Variants in ARHGEF33 observed in about 807,000 individuals in gnomAD.
ARHGEF33 encodes the protein DH and coiled-coil domain-containing protein ENSP00000381780.
A neutral mutation model predicts 101.9 loss-of-function variants in ARHGEF33; 72 were observed. The ratio of observed to expected loss-of-function variants is 0.71; its 90% CI spans 0.58 to 0.86. The LOEUF is 0.86. Among genes scored for constraint, ARHGEF33 ranks in the 40% least tolerant of loss-of-function variants. The pLI, the probability that ARHGEF33 is intolerant of heterozygous loss-of-function variation, is 0.00. For missense variants in ARHGEF33, 1,169 were observed against 1,111.3 expected, an observed-to-expected ratio of 1.05 and a Z score of -0.74; for synonymous variants, 499 against 442.5, an observed-to-expected ratio of 1.13 and a Z score of -1.60.
intron 5 of ARHGEF33, 68 bp downstream of exon 5, chr2:38,929,139 G>C: frequency 7.8e-7 from 1 of 1,277,628 alleles, no homozygotes; most frequent in Non-Finnish European, 1.1e-6. Flanking sequence ...TAGAAAACTT[G>C]CCTTTTTCTG....
intron 2 of ARHGEF33, among the ~76,000 whole-genome samples, chr2:38,902,404 A>G (rs1478439106): frequency 1.3e-5 from 2 of 152,192 alleles, no homozygotes; most frequent in Non-Finnish European, 2.9e-5. Flanking sequence ...CCATATGTAT[A>G]TAAGAAATTG....
chr2:38,970,408 C>G (rs368959313), intron 17 of ARHGEF33, among the ~76,000 whole-genome samples: 1 of 152,222 alleles, frequency 6.6e-6, no homozygotes, highest in East Asian at 1.9e-4. Flanking sequence ...ATAAGTTTAT[C>G]TCACCTATTC....
intron 8 of ARHGEF33, 22 bp from the exon 9 acceptor site, chr2:38,937,313 G>T (rs775258888): frequency 7.0e-6 from 4 of 568,504 alleles, no homozygotes; most frequent in African/African-American, 6.1e-5. Flanking sequence ...TTGTTTCCCC[G>T]CCCCTCCCCC....
chr2:38,918,915 A>G (rs1238318896), intron 2 of ARHGEF33, among the ~76,000 whole-genome samples: 1 of 151,340 alleles, frequency 6.6e-6, no homozygotes, highest in Non-Finnish European at 1.5e-5. Flanking sequence ...GTATGATGGC[A>G]TAAGCCTGTG....
rs547195803 is a variant in ARHGEF33, at chr2:38,951,573, C to G, written c.1053+452C>G. Reference sequence around the variant, plus strand: ...TTTGAACCCAGGACTTCAAAACTAGCTTGAGCGACACAGCAAGACCCTGTC... The same window carrying G: ...TTTGAACCCAGGACTTCAAAACTAGGTTGAGCGACACAGCAAGACCCTGTC... On this transcript the variant is annotated intron_variant, in intron 11 of 17. Coordinates refer to ENST00000409978, the MANE Select transcript of ARHGEF33 (RefSeq NM_001145451.5). Among the ~76,000 whole-genome samples, 5 of 151,646 alleles carry G rather than the reference C, an allele frequency of 3.3e-5. No homozygotes were observed. The South Asian group carries it at 6.3e-4, about 19-fold the overall frequency.
intron 17 of ARHGEF33, chr2:38,972,918 A>G (rs530096976): frequency 6.6e-6 from 1 of 152,314 alleles, no homozygotes; most frequent in South Asian, 2.1e-4. Context: ...TGTCTGGACT[A>G]GTTTTACCCA....
intron 12 of ARHGEF33, among the ~76,000 whole-genome samples, chr2:38,953,566 C>T (rs1462578323): frequency 1.3e-5 from 2 of 152,156 alleles, no homozygotes; most frequent in Non-Finnish European, 2.9e-5. Flanking sequence ...TTTTTCCAGT[C>T]TCAGAAGATG....
intron 11 of ARHGEF33, 146 bp downstream of exon 11, chr2:38,951,267 G>T (rs1667596764): frequency 3.8e-6 from 3 of 789,114 alleles, no homozygotes; most frequent in Non-Finnish European, 3.9e-6. Context: ...TCTACATACA[G>T]ATCATGGAAT....
intron 1 of ARHGEF33, among the ~76,000 whole-genome samples, chr2:38,893,702 C>G (rs1293331649): frequency 6.6e-6 from 1 of 152,222 alleles, no homozygotes; most frequent in Non-Finnish European, 1.5e-5. Context: ...TTTCTCCTAG[C>G]ACCTGGTACA....
At chr2:38,966,596 C>A (rs187388473) in intron 17 of ARHGEF33, among the ~76,000 whole-genome samples, 128 of 152,236 alleles carry the variant, frequency 8.4e-4, no homozygotes, top group African/African-American at 2.8e-3. Flanking sequence ...ATCCTGGGTG[C>A]CAATTCATGT....
chr2:38,954,491 G>C, intron 13 of ARHGEF33, 35 bp downstream of exon 13: 1 of 1,275,784 alleles, frequency 7.8e-7, no homozygotes, highest in East Asian at 2.5e-5. Context: ...AAACTGATTT[G>C]CATGCTAAGT....
chr2:38,898,038 G>A (rs569322906), intron 2 of ARHGEF33, among the ~76,000 whole-genome samples: 102 of 152,258 alleles, frequency 6.7e-4, no homozygotes, highest in Non-Finnish European at 1.3e-3. Flanking sequence ...CAGGAGTCAC[G>A]GAACGATTTT....
chr2:38,937,953 C>T (rs1261609848), intron 9 of ARHGEF33, among the ~76,000 whole-genome samples: 1 of 152,164 alleles, frequency 6.6e-6, no homozygotes, highest in Non-Finnish European at 1.5e-5. Flanking sequence ...TTCCCTCCCT[C>T]CTTCCCTTCA....
intron 2 of ARHGEF33, among the ~76,000 whole-genome samples, chr2:38,905,772 C>T (rs560906821): frequency 3.9e-5 from 6 of 152,252 alleles, no homozygotes; most frequent in Non-Finnish European, 7.4e-5. Context: ...TGTGGGGCAG[C>T]GTGTGTGCCC....
At chr2:38,891,284 T>C (rs932143775) in intron 1 of ARHGEF33, among the ~76,000 whole-genome samples, 2 of 152,184 alleles carry the variant, frequency 1.3e-5, no homozygotes, top group African/African-American at 4.8e-5. Context: ...CTTTTCTCTG[T>C]GTATAAGGGT....
intron 17 of ARHGEF33, among the ~76,000 whole-genome samples, chr2:38,967,520 G>T (rs1668074810): frequency 6.6e-6 from 1 of 152,176 alleles, no homozygotes; most frequent in South Asian, 2.1e-4. Flanking sequence ...CATCTGTCAA[G>T]TTGACAGGGG....
intron 14 of ARHGEF33, 99 bp from the exon 15 acceptor site, chr2:38,957,935 T>C (rs1033595859): frequency 7.0e-7 from 1 of 1,418,796 alleles, no homozygotes; most frequent in African/African-American, 1.4e-5. Context: ...CACAGCAAAC[T>C]TTATCTGAGA....
intron 16 of ARHGEF33, among the ~76,000 whole-genome samples, chr2:38,960,909 G>T (rs1329739859): frequency 6.6e-6 from 1 of 152,184 alleles, no homozygotes; most frequent in African/African-American, 2.4e-5. Context: ...GCCTCATATG[G>T]TACACGAGGG....
intron 17 of ARHGEF33, 28 bp from the exon 18 acceptor site, chr2:38,973,686 G>T: frequency 6.7e-7 from 1 of 1,494,710 alleles, no homozygotes; most frequent in South Asian, 1.3e-5. Flanking sequence ...AAATCAACCT[G>T]TACTTTATCT....
Sources: allele counts gnomAD v4.1 joint callset (sites outside exome capture counted in the v4.1 genomes callset), GRCh38; gene constraint gnomAD v4.1.1; transcripts MANE v1.5; gene names NCBI Gene and HGNC (gene_info 2026-07-23, HGNC 2026-07-21).